ZNF322: variants seen among roughly 807,000 people sequenced by gnomAD.
ZNF322 encodes zinc finger protein 322.
In ZNF322, 1 loss-of-function variant was observed where a neutral mutation model predicts 18.3. The observed-to-expected ratio is 0.05, with a 90% CI of 0.02 to 0.26. The LOEUF (loss-of-function observed/expected upper bound fraction) is 0.26. Ranked by LOEUF, ZNF322 falls within the 10% of genes least tolerant of loss-of-function variation. The pLI is 1.00. For synonymous variants in ZNF322, 17 were observed against 130.7 expected, an observed-to-expected ratio of 0.13 and a Z score of 5.93; for missense variants, 36 against 403.6, an observed-to-expected ratio of 0.09 and a Z score of 7.80.
Position 26,637,580 on chromosome 6 carries a change from G to GCAGA in ZNF322, c.970_973dup (p.Ala325ValfsTer4). On this transcript the variant is annotated frameshift_variant, in exon 4 of 4. Coordinates refer to ENST00000415922, the MANE Select transcript of ZNF322 (RefSeq NM_024639.5). LOFTEE classifies it low-confidence loss of function (END_TRUNC). ...TCCTAGGAGGAAGCCACTCTCACAC[G>GCAGA]CAGACCACTGATGTGGTTTCTCTTC... 6.7e-7 allele frequency: 1 copy of GCAGA among 1,491,764 alleles called. No homozygotes were observed. The highest frequency in any genetic ancestry group is 9.2e-7 in the Non-Finnish European group (1 of 1,084,712). 92.4% of individuals were successfully genotyped at this position (1,491,764 alleles called of 1,614,324 possible). A position where few individuals can be genotyped will look rare whatever the true frequency, so the allele number is the denominator to read the frequency against.
chr6:26,638,945 T>C (rs1765418291), intron 3 of ZNF322, among the ~76,000 whole-genome samples: 1 of 152,210 alleles, frequency 6.6e-6, no homozygotes, highest in African/African-American at 2.4e-5. Flanking sequence ...CTTTTCTCTA[T>C]GAATCTGGGT....
chr6:26,655,981 CGTTT>C (rs1475625962), intron 2 of ZNF322, among the ~76,000 whole-genome samples: 23 of 152,110 alleles, frequency 1.5e-4, no homozygotes, highest in African/African-American at 5.3e-4. Flanking sequence ...CAGACTAAAA[CGTTT>C]GTTTAATAGA....
chr6:26,647,149 A>AAAT lies in ZNF322; in HGVS notation c.-245-3424_-245-3422dup, dbSNP rs1765572099. 3.9e-5 allele frequency among the ~76,000 whole-genome samples: 6 copies of AAAT among 152,158 alleles called. No homozygotes were observed. The South Asian group carries it at 1.2e-3, about 32-fold the overall frequency. ...ATGAGACCCAATTTCTATTTTAAAT[A>AAAT]AATAAGTAGGTATGGTAGCTCATAC... On this transcript the variant is annotated intron_variant, in intron 2 of 3. Transcript: ENST00000415922.
intron 3 of ZNF322, among the ~76,000 whole-genome samples, chr6:26,640,696 T>G (rs1765452195): frequency 6.6e-6 from 1 of 152,206 alleles, no homozygotes; most frequent in African/African-American, 2.4e-5. Context: ...TCATTCACTA[T>G]TGTTTCCCCA....
intron 2 of ZNF322, among the ~76,000 whole-genome samples, chr6:26,650,178 T>TCA (rs1335076963): frequency 2.0e-5 from 3 of 152,030 alleles, no homozygotes; most frequent in African/African-American, 7.2e-5. Context: ...AAGACAATTC[T>TCA]CACACACACA....
chr6:26,656,312 G>C (rs1416176284), intron 2 of ZNF322, among the ~76,000 whole-genome samples: 4 of 152,122 alleles, frequency 2.6e-5, no homozygotes, highest in African/African-American at 9.7e-5. Flanking sequence ...TCCTCACAGA[G>C]TTGCTATGAG....
chr6:26,651,262 A>G (rs1409799900), intron 2 of ZNF322: 1 of 151,998 alleles, frequency 6.6e-6, no homozygotes, highest in Non-Finnish European at 1.5e-5. Flanking sequence ...AAAAAAAAAA[A>G]AGAATAAAAT....
chr6:26,656,351 A>G (rs1413316878), intron 2 of ZNF322, among the ~76,000 whole-genome samples: 1 of 152,156 alleles, frequency 6.6e-6, no homozygotes, highest in Non-Finnish European at 1.5e-5. Flanking sequence ...ACTAAGCTCA[A>G]TGCCTAGGTC....
rs905517449 is a variant in ZNF322, at chr6:26,647,568, G to T, written c.-245-3840C>A. Among the ~76,000 whole-genome samples the T allele has an allele frequency of 5.9e-4, 89 of 151,730 alleles. 2 individuals carry two copies. Among genetic ancestry groups the T allele is most frequent in the Admixed American group, 5.8e-3 (89 of 15,242 alleles). The stretch of plus-strand genomic sequence containing the variant: ...ATAAATATGATTAACTATAAAATAA[G>T]GGTTTCTTTATGAAACACAATTTAT... On this transcript the variant is annotated intron_variant, in intron 2 of 3. Coordinates refer to ENST00000415922, the MANE Select transcript of ZNF322 (RefSeq NM_024639.5).
intron 2 of ZNF322, among the ~76,000 whole-genome samples, chr6:26,649,687 ATATATATATATATATTTTTTTT>A (rs1765628592): frequency 1.3e-5 from 1 of 76,970 alleles, no homozygotes; most frequent in Admixed American, 1.3e-4. Flanking sequence ...ATATATATAT[ATATATATATATATATTTTTTTT>A]TTTTTTTTTT....
At chr6:26,649,686 TATATA>T (rs1765628005) in intron 2 of ZNF322, among the ~76,000 whole-genome samples, 1 of 84,192 alleles carries the variant, frequency 1.2e-5, no homozygotes. Context: ...TATATATATA[TATATA>T]TATATATATA....
intron 2 of ZNF322, among the ~76,000 whole-genome samples, chr6:26,656,433 A>T (rs1554149694): frequency 6.6e-6 from 1 of 152,224 alleles, no homozygotes; most frequent in Non-Finnish European, 1.5e-5. Context: ...AAAACCACTA[A>T]CATGTATTAA....
In ZNF322 at chr6:26,659,515, C is replaced by T. The variant is rs1554149981; in HGVS notation, c.-409G>A. ...TACTCTCCGGACACTCGAATCTGGGCTTCCTGGCGGCCGCAGACTCTGCGA... is the reference window on the plus strand; with the variant it reads ...TACTCTCCGGACACTCGAATCTGGGTTTCCTGGCGGCCGCAGACTCTGCGA... On this transcript the variant is annotated 5_prime_UTR_variant, in exon 1 of 4. Coordinates refer to ENST00000415922, the MANE Select transcript of ZNF322 (RefSeq NM_024639.5). 4.2e-5 allele frequency: 7 copies of T among 166,688 alleles called. No individual in the cohort carries two copies. The highest frequency in any genetic ancestry group is 1.0e-4 in the Non-Finnish European group (7 of 68,114). 10.3% of individuals were successfully genotyped at this position (166,688 alleles called of 1,614,324 possible). A position where few individuals can be genotyped will look rare whatever the true frequency, so the allele number is the denominator to read the frequency against.
At chr6:26,641,148 C>T (rs1351469463) in intron 3 of ZNF322, among the ~76,000 whole-genome samples, 1 of 151,712 alleles carries the variant, frequency 6.6e-6, no homozygotes. Flanking sequence ...GCTTTCCTTG[C>T]GAAAGGCACA....
chr6:26,657,382 T>C (rs1554149806), intron 2 of ZNF322, among the ~76,000 whole-genome samples: 1 of 152,156 alleles, frequency 6.6e-6, no homozygotes, highest in East Asian at 1.9e-4. Flanking sequence ...TCACAGGCCA[T>C]CTCCGAGCTT....
chr6:26,657,036 CAGG>C (rs1339016259), intron 2 of ZNF322, among the ~76,000 whole-genome samples: 37 of 152,120 alleles, frequency 2.4e-4, no homozygotes, highest in South Asian at 1.0e-3. Flanking sequence ...ATCACAAGGT[CAGG>C]AGATTGAGAC....
chr6:26,651,855 T>A (rs1233278292), intron 2 of ZNF322, among the ~76,000 whole-genome samples: 1 of 152,160 alleles, frequency 6.6e-6, no homozygotes, highest in Non-Finnish European at 1.5e-5. Flanking sequence ...ATTTTTGGGA[T>A]GGGTCTCGCT....
chr6:26,647,204 G>A (rs2113666214), intron 2 of ZNF322, among the ~76,000 whole-genome samples: 1 of 151,900 alleles, frequency 6.6e-6, no homozygotes, highest in South Asian at 2.1e-4. Flanking sequence ...GGAGGCCGAG[G>A]CAGTAGGATT....
chr6:26,639,318 TCTTA>T (rs1765425506), intron 3 of ZNF322, among the ~76,000 whole-genome samples: 1 of 152,158 alleles, frequency 6.6e-6, no homozygotes, highest in African/African-American at 2.4e-5. Context: ...CTGTTTTGGC[TCTTA>T]CTATCACTGT....
Sources: gnomAD v4.1 joint callset for allele counts (sites outside exome capture counted in the v4.1 genomes callset) on GRCh38, gnomAD v4.1.1 for gene constraint, MANE v1.5 for transcripts, NCBI Gene and HGNC (gene_info 2026-07-23, HGNC 2026-07-21) for gene names.